The following GOLGA1 variants were observed in gnomAD, a reference collection of about 807,000 sequenced individuals.
The protein encoded by GOLGA1 is golgin A1, also known as golgin subfamily A member 1.
In GOLGA1, 63 loss-of-function variants were observed where a neutral mutation model predicts 119.7. That is an observed-to-expected ratio of 0.53 (90% CI 0.43 to 0.65). The LOEUF is 0.65. GOLGA1 is among the 30% of genes least tolerant of loss of function. GOLGA1 has a pLI of 0.00. For synonymous variants in GOLGA1, 318 were observed against 333.4 expected (o/e 0.95, Z 0.50); for missense variants, 798 against 912.8 (o/e 0.87, Z 1.62).
At position 124,921,941 on chromosome 9, in the gene GOLGA1, C is replaced by A. The variant is rs769029207; in HGVS notation, c.562-49G>T. Reference sequence around the variant, plus strand: ...ATTGGGCTATGCTAAGAAAAATACACTTAAGATCAGGCATGCTGGCTCACG... The same window carrying A: ...ATTGGGCTATGCTAAGAAAAATACAATTAAGATCAGGCATGCTGGCTCACG... On this transcript the variant is annotated intron_variant, in intron 8 of 22. Coordinates refer to ENST00000373555, the MANE Select transcript of GOLGA1 (RefSeq NM_002077.4). 8.4e-5 allele frequency: 127 copies of A among 1,503,198 alleles called. 1 individual carries two copies. In the East Asian group the frequency reaches 2.8e-3, roughly 34 times the overall value. 93.1% of individuals were successfully genotyped at this position (1,503,198 alleles called of 1,614,324 possible).
At chr9:124,890,090 G>C (rs193222695) in intron 16 of GOLGA1, among the ~76,000 whole-genome samples, 22 of 152,304 alleles carry the variant, frequency 1.4e-4, no homozygotes, top group Admixed American at 7.8e-4. Flanking sequence ...GGTGGGCAAT[G>C]ATAGGTCACC....
chr9:124,895,644 C>T (rs1485326471), intron 15 of GOLGA1, among the ~76,000 whole-genome samples: 4 of 149,316 alleles, frequency 2.7e-5, no homozygotes, highest in African/African-American at 9.9e-5. Context: ...CGACAGAGAG[C>T]CTCCACGACA....
At chr9:124,931,225 T>C in intron 4 of GOLGA1, 91 bp downstream of exon 4, 1 of 730,362 alleles carries the variant, frequency 1.4e-6, no homozygotes, top group East Asian at 2.5e-5. Context: ...TGAAAATAAC[T>C]ATAAAGTCAT....
At chr9:124,885,549 T>G in intron 19 of GOLGA1, among the ~76,000 whole-genome samples, 1 of 117,098 alleles carries the variant, frequency 8.5e-6, no homozygotes, top group African/African-American at 3.2e-5. Context: ...TGAAGAGGCA[T>G]GGAGAAGAGG....
At chr9:124,907,898 A>T (rs551457538) in intron 12 of GOLGA1, among the ~76,000 whole-genome samples, 34 of 152,312 alleles carry the variant, frequency 2.2e-4, no homozygotes, top group African/African-American at 6.0e-4. Flanking sequence ...CTTCTCCTAT[A>T]GTACTTAGTC....
At position 124,893,434 on chromosome 9, in the gene GOLGA1, T is replaced by G. The variant is rs1172727539; in HGVS notation, c.1408-2956A>C. Reference sequence around the variant, plus strand: ...AGCCCTTGTGAGTCTGTTTCTTTTGTGTTGTTTTGTATTTTTGTTTACCTA... The same window carrying G: ...AGCCCTTGTGAGTCTGTTTCTTTTGGGTTGTTTTGTATTTTTGTTTACCTA... On this transcript the variant is annotated intron_variant, in intron 15 of 22. Transcript: ENST00000373555. 2.6e-5 allele frequency among the ~76,000 whole-genome samples: 4 copies of G among 152,196 alleles called. No homozygotes were observed. In the East Asian group the frequency reaches 7.7e-4, roughly 29 times the overall value.
chr9:124,894,049 A>G (rs1190409435), intron 15 of GOLGA1, among the ~76,000 whole-genome samples: 1 of 152,192 alleles, frequency 6.6e-6, no homozygotes, highest in Non-Finnish European at 1.5e-5. Flanking sequence ...AGCGTTGCCA[A>G]CAAACTCAGT....
chr9:124,931,809 C>T (rs1054550181), intron 3 of GOLGA1, among the ~76,000 whole-genome samples: 1 of 152,108 alleles, frequency 6.6e-6, no homozygotes, highest in Non-Finnish European at 1.5e-5. Flanking sequence ...AATCTTTCAC[C>T]GATATTGATA....
At chr9:124,884,008 GA>G (rs1299235257) in intron 19 of GOLGA1, among the ~76,000 whole-genome samples, 6 of 151,766 alleles carry the variant, frequency 4.0e-5, no homozygotes, top group Non-Finnish European at 5.9e-5. Context: ...ATAATATAGG[GA>G]AAAAAAATTT....
rs756377921 is a variant in GOLGA1 at position 124,881,811 on chromosome 9, T to G, written c.2109A>C (p.Leu703Phe). The stretch of plus-strand genomic sequence containing the variant: ...CGGATTCGCGACAAGACATGAATTT[T>G]AAAACCACATGTTTAAGGTACTCAA... ...INFEYLKHVVLKFMSCRESEA... is the reference protein window; with the variant it reads ...INFEYLKHVVFKFMSCRESEA... The change falls in exon 21 of 23, where the codon TTA becomes TTC. Residue 703 changes from leucine (L) to phenylalanine (F), a missense_variant. By Grantham distance (22) the Leu-to-Phe change is conservative. Coordinates refer to ENST00000373555, the MANE Select transcript of GOLGA1 (RefSeq NM_002077.4). The surrounding 1 kb of genome is among the most constrained non-coding windows in gnomAD (Gnocchi z 4.9). 6.2e-7 allele frequency: 1 copy of G among 1,611,150 alleles called. No homozygotes were observed. Among genetic ancestry groups the G allele is most frequent in the South Asian group, 1.1e-5 (1 of 90,538 alleles).
intron 10 of GOLGA1, among the ~76,000 whole-genome samples, chr9:124,917,036 G>C (rs1830462299): frequency 6.6e-6 from 1 of 151,840 alleles, no homozygotes; most frequent in South Asian, 2.1e-4. Flanking sequence ...GTGCAATGTT[G>C]AGCACAAAAA....
At position 124,890,413 on chromosome 9, in the gene GOLGA1, C is replaced by T. The variant is rs142324555; in HGVS notation, c.1473G>A (p.Lys491=). ...AMAQALEEVR[K]QREEFQQQAA... ...CCTGTTGCTGGAACTCTTCCCTTTG[C>T]TTCCGCACCTCCTCCAGGGCTTGAG... Residue 491 remains lysine, a synonymous_variant, in exon 16 of 23, where the codon AAG becomes AAA. Coordinates refer to ENST00000373555, the MANE Select transcript of GOLGA1 (RefSeq NM_002077.4). The T allele has an allele frequency of 1.9e-5, 30 of 1,613,410 alleles. No homozygotes were observed. In the African/African-American group the frequency reaches 3.9e-4, roughly 21 times the overall value.
At position 124,899,355 on chromosome 9, in the gene GOLGA1, C is replaced by A; in HGVS notation, c.1285G>T (p.Asp429Tyr). ...IVALERTRAA[D>Y]QTTAEQGMRQ... ...ATCCCTTGCTCTGCGGTGGTCTGGT[C>A]AGCTGCCCGCGTTCTCTCCAGGGCC... The change falls in exon 14 of 23, where the codon GAC becomes TAC. Residue 429 changes from aspartate (D) to tyrosine (Y), a missense_variant. Transcript: ENST00000373555. 1.9e-6 allele frequency: 3 copies of A among 1,549,660 alleles called. No homozygotes were observed. The highest frequency in any genetic ancestry group is 2.6e-6 in the Non-Finnish European group (3 of 1,147,032).
chr9:124,920,013 G>A (rs139169024), intron 10 of GOLGA1, among the ~76,000 whole-genome samples: 48 of 151,668 alleles, frequency 3.2e-4, no homozygotes, highest in African/African-American at 7.3e-4. Flanking sequence ...AGGCTGCAGC[G>A]CAGTGGCACA....
chr9:124,931,443 A>G (rs1214057600), intron 3 of GOLGA1, 37 bp from the exon 4 acceptor site: 2 of 968,952 alleles, frequency 2.1e-6, no homozygotes, highest in African/African-American at 1.6e-5. Flanking sequence ...GTATTCATAT[A>G]TGTGTGAGAC....
chr9:124,920,856 A>AG, intron 10 of GOLGA1, among the ~76,000 whole-genome samples: 1 of 60,608 alleles, frequency 1.6e-5, no homozygotes, highest in Non-Finnish European at 4.5e-5. Context: ...AAAAAAAAAG[A>AG]AAAAAAAAAA....
At chr9:124,894,508 AAC>A (rs1375147352) in intron 15 of GOLGA1, among the ~76,000 whole-genome samples, 9 of 151,940 alleles carry the variant, frequency 5.9e-5, no homozygotes, top group Non-Finnish European at 1.3e-4. Flanking sequence ...AAGCAGCTGG[AAC>A]TATAGGCACA....
At chr9:124,934,942 G>A (rs931950101) in intron 3 of GOLGA1, among the ~76,000 whole-genome samples, 9 of 152,120 alleles carry the variant, frequency 5.9e-5, no homozygotes, top group African/African-American at 2.2e-4. Flanking sequence ...AACTACTCAC[G>A]AGGCTGAAAT....
chr9:124,900,661 ACCTG>A, intron 12 of GOLGA1, 114 bp from the exon 13 acceptor site: 1 of 540,714 alleles, frequency 1.8e-6, no homozygotes, highest in Non-Finnish European at 3.3e-6. Context: ...GAAAAATGTA[ACCTG>A]AGAAAAAAGA....
Sources: allele counts gnomAD v4.1 joint callset (sites outside exome capture counted in the v4.1 genomes callset), GRCh38; gene constraint gnomAD v4.1.1; non-coding constraint Gnocchi (gnomAD v3.1); transcripts MANE v1.5; gene names NCBI Gene and HGNC (gene_info 2026-07-23, HGNC 2026-07-21).